CPED1: variants seen among roughly 807,000 people sequenced by gnomAD.
CPED1 encodes cadherin-like and PC-esterase domain-containing protein 1.
In CPED1, 114 loss-of-function variants were observed where a neutral mutation model predicts 128.2. That is an observed-to-expected ratio of 0.89 (90% CI 0.76 to 1.04). The LOEUF (loss-of-function observed/expected upper bound fraction) is 1.04. CPED1 is among the 50% of genes least tolerant of loss of function. CPED1 has a pLI of 0.00. For synonymous variants in CPED1, 462 were observed against 426.7 expected (o/e 1.08, Z -1.02); for missense variants, 1,211 against 1,207.1 (o/e 1.00, Z -0.05).
In CPED1 at chr7:121,141,986, C is replaced by G. The variant is rs756904152; in HGVS notation, c.1900C>G (p.Pro634Ala). Residue 634 changes from proline (P) to alanine (A), a missense_variant, in exon 16 of 23, where the codon CCT becomes GCT. Pro to Ala is a conservative substitution (Grantham distance 27). Transcript: ENST00000310396. Reference protein sequence around the residue: ...EQAGPSFASYPLGLGMNKISI... With the variant: ...EQAGPSFASYALGLGMNKISI... ...CTTTCTCTCCAGCTTTGCCAGCTAC[C>G]CTCTGGGCTTAGGAATGAACAAAAT... 4 of 1,611,796 alleles carry G rather than the reference C, an allele frequency of 2.5e-6. No individual in the cohort carries two copies. The highest frequency in any genetic ancestry group is 3.4e-6 in the Non-Finnish European group (4 of 1,178,530).
In CPED1 at chr7:121,216,365, C is replaced by G. The variant is rs549512223; in HGVS notation, c.2056-20349C>G. On this transcript the variant is annotated intron_variant, in intron 16 of 22. Transcript: ENST00000310396. The stretch of plus-strand genomic sequence containing the variant: ...GCACCCTCATTTTGAAGGATGTGAC[C>G]AGAAGTTCACTTCTACTCACATTCT... 1.2e-4 allele frequency among the ~76,000 whole-genome samples: 18 copies of G among 152,060 alleles called. 1 individual carries two copies. In the South Asian group the frequency reaches 3.3e-3, roughly 28 times the overall value.
intron 18 of CPED1, among the ~76,000 whole-genome samples, chr7:121,263,696 C>T (rs1792063296): frequency 6.6e-6 from 1 of 151,964 alleles, no homozygotes; most frequent in African/African-American, 2.4e-5. Flanking sequence ...TTGTTTTTCT[C>T]AGTAATATAT....
At chr7:121,029,413 A>G (rs1792676012) in intron 3 of CPED1, among the ~76,000 whole-genome samples, 2 of 152,216 alleles carry the variant, frequency 1.3e-5, no homozygotes, top group Non-Finnish European at 2.9e-5. Flanking sequence ...CTATGGAAGT[A>G]TAGAGTGAAA....
rs760765660 is a variant in CPED1 at position 121,133,927 on chromosome 7, T to C, written c.1648+34T>C. On this transcript the variant is annotated intron_variant, in intron 13 of 22. Transcript: ENST00000310396. The stretch of plus-strand genomic sequence containing the variant: ...ATAGATATTCCCACTTATTTCAACA[T>C]AAAAATAAGTATTTCCTGGCAAAAA... 2.3e-6 allele frequency: 3 copies of C among 1,292,832 alleles called. No homozygotes were observed. In the South Asian group the frequency reaches 4.0e-5, roughly 17 times the overall value. The allele number at this position is 1,292,832 out of a possible 1,614,324, so 80.1% of individuals were successfully genotyped here.
intron 4 of CPED1, among the ~76,000 whole-genome samples, chr7:121,058,564 G>A (rs1357133940): frequency 6.6e-6 from 1 of 152,196 alleles, no homozygotes; most frequent in Non-Finnish European, 1.5e-5. Context: ...GAGGCACAGA[G>A]AGGTTATAAA....
At chr7:121,262,297 C>A (rs1792037334) in intron 18 of CPED1, among the ~76,000 whole-genome samples, 2 of 151,974 alleles carry the variant, frequency 1.3e-5, no homozygotes, top group South Asian at 4.1e-4. Context: ...CATAAATTAC[C>A]CAGGCTCAGG....
chr7:121,260,109 G>A (rs992992539), intron 18 of CPED1, among the ~76,000 whole-genome samples: 20 of 151,108 alleles, frequency 1.3e-4, no homozygotes, highest in Admixed American at 1.1e-3. Context: ...GCCCTCCTTC[G>A]CATTCAATAA....
chr7:121,011,040 C>T (rs981037247), intron 2 of CPED1, among the ~76,000 whole-genome samples: 9 of 152,032 alleles, frequency 5.9e-5, no homozygotes, highest in Admixed American at 2.6e-4. Context: ...CTATGATAGA[C>T]TCTATAATAT....
chr7:121,149,143 C>T (rs893315123), intron 16 of CPED1, among the ~76,000 whole-genome samples: 6 of 152,158 alleles, frequency 3.9e-5, no homozygotes, highest in Non-Finnish European at 7.4e-5. Flanking sequence ...GCATCCTTTA[C>T]CAGTGAGCCG....
chr7:121,175,652 C>G (rs773338050), intron 16 of CPED1, among the ~76,000 whole-genome samples: 1 of 152,024 alleles, frequency 6.6e-6, no homozygotes, highest in African/African-American at 2.4e-5. Context: ...ACACTTATTT[C>G]TTGAATTCAA....
chr7:121,231,039 T>C (rs1386348362), intron 16 of CPED1, among the ~76,000 whole-genome samples: 1 of 152,060 alleles, frequency 6.6e-6, no homozygotes, highest in Non-Finnish European at 1.5e-5. Context: ...GTCGTGATCA[T>C]TCAAGCTGTG....
intron 16 of CPED1, among the ~76,000 whole-genome samples, chr7:121,179,666 A>G (rs1014705524): frequency 1.3e-5 from 2 of 152,072 alleles, no homozygotes; most frequent in Admixed American, 1.3e-4. Context: ...AAGATTTAGG[A>G]TGAATAACAG....
chr7:121,172,161 G>A (rs185548398), intron 16 of CPED1, among the ~76,000 whole-genome samples: 5 of 152,288 alleles, frequency 3.3e-5, no homozygotes, highest in South Asian at 4.1e-4. Flanking sequence ...GTACACTGTT[G>A]AGGGTCATTA....
chr7:121,129,310 TAC>T lies in CPED1; in HGVS notation c.1408-814_1408-813del, dbSNP rs1491043753. Among the ~76,000 whole-genome samples the T allele has an allele frequency of 7.6e-3, 37 of 4,840 alleles. 1 individual carries two copies. Among genetic ancestry groups the T allele is most frequent in the African/African-American group, 0.012 (35 of 3,008 alleles). 3.2% of individuals were successfully genotyped at this position (4,840 alleles called of 152,430 possible). ...ATGTATATATATATATATATATATA[TAC>T]GTATATATATATATATATATATACG... On this transcript the variant is annotated intron_variant, in intron 11 of 22. Transcript: ENST00000310396.
intron 16 of CPED1, among the ~76,000 whole-genome samples, chr7:121,215,840 AT>A: frequency 6.6e-6 from 1 of 152,198 alleles, no homozygotes; most frequent in South Asian, 2.1e-4. Context: ...TGTCTTACAT[AT>A]TTTTTAATTA....
rs747240157 is a variant in CPED1 at position 121,295,571 on chromosome 7, A to G, written c.3000A>G (p.Pro1000=). 14 of 1,614,022 alleles carry G rather than the reference A, an allele frequency of 8.7e-6. No individual in the cohort carries two copies. The Admixed American group carries it at 1.8e-4, about 21-fold the overall frequency. The change falls in exon 23 of 23, where the codon CCA becomes CCG. Residue 1000 remains proline (P), a synonymous_variant. Transcript: ENST00000310396. The part of the protein sequence containing the change: ...QQGTVTNFRS[P]YHVRGPINQV... ...GCACTGTAACAAATTTTCGATCGCC[A>G]TATCATGTCAGAGGTCCAATAAATC...
chr7:121,111,622 A>T (rs1232166144), intron 7 of CPED1, among the ~76,000 whole-genome samples: 1 of 152,216 alleles, frequency 6.6e-6, no homozygotes, highest in African/African-American at 2.4e-5. Flanking sequence ...AATGTTTGGG[A>T]TGGAAGCCAG....
intron 7 of CPED1, among the ~76,000 whole-genome samples, 199 bp downstream of exon 7, chr7:121,100,293 G>A (rs1465001877): frequency 6.6e-6 from 1 of 152,094 alleles, no homozygotes; most frequent in Non-Finnish European, 1.5e-5. Context: ...ATTCACTAGG[G>A]ATCACAAAGG....
At chr7:121,259,787 T>C (rs1008446437) in intron 18 of CPED1, among the ~76,000 whole-genome samples, 15 of 152,000 alleles carry the variant, frequency 9.9e-5, no homozygotes, top group Non-Finnish European at 2.9e-5. Context: ...TAATAAAATA[T>C]CTGAGAGGAG....
Sources: allele counts gnomAD v4.1 joint callset (sites outside exome capture counted in the v4.1 genomes callset), GRCh38; gene constraint gnomAD v4.1.1; transcripts MANE v1.5; gene names NCBI Gene and HGNC (gene_info 2026-07-23, HGNC 2026-07-21).